UGGT2: variants seen among roughly 807,000 people sequenced by gnomAD.
The protein encoded by UGGT2 is UDP-glucose glycoprotein glucosyltransferase 2.
Under a neutral mutation model 192.1 loss-of-function variants are expected in UGGT2, and 180 were observed. That is an observed-to-expected ratio of 0.94 (90% CI 0.83 to 1.06). The LOEUF (loss-of-function observed/expected upper bound fraction) is 1.06, where lower values mean the gene tolerates loss of function less well. Among genes scored for constraint, UGGT2 ranks in the 50% least tolerant of loss-of-function variants. The pLI, the probability that UGGT2 is intolerant of heterozygous loss-of-function variation, is 0.00. For missense variants in UGGT2, 1,849 were observed against 1,795.7 expected, an observed-to-expected ratio of 1.03 and a Z score of -0.54; for synonymous variants, 580 against 591.0, an observed-to-expected ratio of 0.98 and a Z score of 0.27.
chr13:95,835,867 C>A (rs1273503082), intron 37 of UGGT2, among the ~76,000 whole-genome samples: 1 of 151,938 alleles, frequency 6.6e-6, no homozygotes, highest in African/African-American at 2.4e-5. Context: ...AAATGAAAAT[C>A]TAGGAAAAAT....
intron 38 of UGGT2, among the ~76,000 whole-genome samples, chr13:95,805,491 A>G (rs76359774): frequency 0.03 from 4,605 of 152,296 alleles, 230 homozygotes; most frequent in African/African-American, 0.11. Flanking sequence ...CCATAGCTGC[A>G]TTACTCACAG....
intron 30 of UGGT2, among the ~76,000 whole-genome samples, chr13:95,867,068 C>A (rs868280138): frequency 2.0e-5 from 3 of 151,886 alleles, no homozygotes; most frequent in South Asian, 4.2e-4. Flanking sequence ...TCTCTAGAGT[C>A]CAATTTGTAA....
chr13:95,869,081 T>C (rs1241576261), intron 29 of UGGT2, among the ~76,000 whole-genome samples: 74 of 139,222 alleles, frequency 5.3e-4, no homozygotes, highest in Admixed American at 5.0e-3. Flanking sequence ...TTCCCCTTCC[T>C]GTGTCCATGT....
chr13:96,037,512 C>T (rs2053040032), intron 1 of UGGT2, among the ~76,000 whole-genome samples: 1 of 152,190 alleles, frequency 6.6e-6, no homozygotes. Context: ...TTTTATTATA[C>T]TATAAATTTC....
intron 20 of UGGT2, among the ~76,000 whole-genome samples, chr13:95,913,807 T>C (rs531600623): frequency 9.2e-5 from 14 of 152,280 alleles, no homozygotes; most frequent in Middle Eastern, 3.4e-3. Flanking sequence ...TGTGGCACTA[T>C]TGACAATAGC....
chr13:95,907,201 G>C (rs2048320259), intron 20 of UGGT2, among the ~76,000 whole-genome samples: 1 of 152,242 alleles, frequency 6.6e-6, no homozygotes, highest in African/African-American at 2.4e-5. Flanking sequence ...CAGCCTGGCT[G>C]GGGGAGGGGC....
chr13:95,940,587 G>A (rs894885620), intron 15 of UGGT2, among the ~76,000 whole-genome samples: 3 of 151,506 alleles, frequency 2.0e-5, no homozygotes, highest in African/African-American at 7.3e-5. Context: ...GGGTAGCTGG[G>A]ACTACAGGAA....
At chr13:95,975,661 T>C (rs940608379) in intron 10 of UGGT2, among the ~76,000 whole-genome samples, 9 of 152,140 alleles carry the variant, frequency 5.9e-5, no homozygotes, top group African/African-American at 2.2e-4. Context: ...TAATAACCAA[T>C]GGAGCTGAGC....
chr13:95,938,111 T>C lies in UGGT2; in HGVS notation c.1813-1023A>G, dbSNP rs150195221. Among the ~76,000 whole-genome samples the C allele has an allele frequency of 1.1e-3, 160 of 152,334 alleles. 1 individual carries two copies. The highest frequency in any genetic ancestry group is 3.7e-3 in the African/African-American group (154 of 41,586). ...CATGCCTTTCACCTTCTGCCATGAT[T>C]GTGAGGTTTCCCCAGCCACGTGGAA... On this transcript the variant is annotated intron_variant, in intron 16 of 38. Coordinates refer to ENST00000376747, the MANE Select transcript of UGGT2 (RefSeq NM_020121.4).
rs116319071 is a variant in UGGT2, at chr13:95,825,440, C to T, written c.4528+7487G>A. 4.0e-4 allele frequency among the ~76,000 whole-genome samples: 61 copies of T among 152,244 alleles called. 1 individual carries two copies. The highest frequency in any genetic ancestry group is 1.4e-3 in the African/African-American group (58 of 41,558). Reference sequence around the variant, plus strand: ...TTGCCAGGCCAAGCAAGAAAGCTATCCAACTCCCAGACTCACTCTTATCCC... The same window carrying T: ...TTGCCAGGCCAAGCAAGAAAGCTATTCAACTCCCAGACTCACTCTTATCCC... On this transcript the variant is annotated intron_variant, in intron 38 of 38. Coordinates refer to ENST00000376747, the MANE Select transcript of UGGT2 (RefSeq NM_020121.4).
At chr13:95,879,658 A>G (rs2047437082) in intron 27 of UGGT2, among the ~76,000 whole-genome samples, 1 of 152,140 alleles carries the variant, frequency 6.6e-6, no homozygotes, top group Admixed American at 6.5e-5. Flanking sequence ...GCTGGCCTCA[A>G]ACTCCTGACT....
intron 16 of UGGT2, among the ~76,000 whole-genome samples, chr13:95,938,604 C>A (rs1007047305): frequency 6.6e-6 from 1 of 152,152 alleles, no homozygotes; most frequent in Non-Finnish European, 1.5e-5. Context: ...TGGGCACCTA[C>A]TATGTCTTAG....
At chr13:95,892,620 T>A (rs1366271051) in intron 24 of UGGT2, among the ~76,000 whole-genome samples, 2 of 152,204 alleles carry the variant, frequency 1.3e-5, no homozygotes, top group Admixed American at 1.3e-4. Flanking sequence ...TGAATTTTGT[T>A]ATGATACTGT....
intron 12 of UGGT2, among the ~76,000 whole-genome samples, chr13:95,964,073 T>C (rs2140726137): frequency 6.6e-6 from 1 of 152,082 alleles, no homozygotes; most frequent in African/African-American, 2.4e-5. Flanking sequence ...GATTTGAAAA[T>C]ATAGTTACAG....
intron 20 of UGGT2, among the ~76,000 whole-genome samples, chr13:95,914,308 A>G (rs956837373): frequency 1.3e-5 from 2 of 152,104 alleles, no homozygotes; most frequent in Non-Finnish European, 2.9e-5. Flanking sequence ...CCTTACAACT[A>G]CTGTAAAGTT....
At chr13:95,882,171 G>C (rs1395532097) in intron 27 of UGGT2, among the ~76,000 whole-genome samples, 2 of 152,092 alleles carry the variant, frequency 1.3e-5, no homozygotes, top group African/African-American at 4.8e-5. Context: ...GCCTGCCAAA[G>C]TGCTGGGATT....
rs535996543 is a variant in UGGT2 at position 95,877,981 on chromosome 13, A to G, written c.3229-125T>C. ...TTTTGGTGGCTAACTTTAAGTCTTT[A>G]TTTTACACATGAGTGAATTCATGAG... On this transcript the variant is annotated intron_variant, in intron 27 of 38. Coordinates refer to ENST00000376747, the MANE Select transcript of UGGT2 (RefSeq NM_020121.4). The G allele has an allele frequency of 3.3e-6, 3 of 910,780 alleles. No individual in the cohort carries two copies. In the African/African-American group the frequency reaches 5.0e-5, roughly 15 times the overall value. 56.4% of individuals were successfully genotyped at this position (910,780 alleles called of 1,614,324 possible). A position where few individuals can be genotyped will look rare whatever the true frequency, so the allele number is the denominator to read the frequency against.
chr13:95,960,450 T>G (rs1447458808), intron 12 of UGGT2, among the ~76,000 whole-genome samples: 3 of 151,800 alleles, frequency 2.0e-5, no homozygotes, highest in East Asian at 1.9e-4. Flanking sequence ...CTAAATCAAG[T>G]AGAATCAAGA....
At chr13:95,968,359 G>A (rs959521817) in intron 12 of UGGT2, among the ~76,000 whole-genome samples, 3 of 152,112 alleles carry the variant, frequency 2.0e-5, no homozygotes, top group African/African-American at 4.8e-5. Flanking sequence ...CTAAGTATAC[G>A]AATGGATTAA....
Sources: gnomAD v4.1 joint callset for allele counts (sites outside exome capture counted in the v4.1 genomes callset) on GRCh38, gnomAD v4.1.1 for gene constraint, MANE v1.5 for transcripts, NCBI Gene and HGNC (gene_info 2026-07-23, HGNC 2026-07-21) for gene names.